ANXA10: variants seen among roughly 807,000 people sequenced by gnomAD.
The protein encoded by ANXA10 is annexin 14.
Under a neutral mutation model 53.5 loss-of-function variants are expected in ANXA10, and 49 were observed. The ratio of observed to expected loss-of-function variants is 0.92; its 90% CI spans 0.73 to 1.16. The LOEUF is 1.16. Ranked by LOEUF, ANXA10 falls within the 50% of genes most tolerant of loss-of-function variation. The pLI is 0.00. For missense variants in ANXA10, 393 were observed against 394.4 expected (o/e 1.00, Z 0.03); for synonymous variants, 131 against 128.9 (o/e 1.02, Z -0.11).
intron 3 of ANXA10, among the ~76,000 whole-genome samples, chr4:168,160,465 G>C (rs1229398177): frequency 6.6e-6 from 1 of 151,966 alleles, no homozygotes; most frequent in Non-Finnish European, 1.5e-5. Flanking sequence ...CTATCATTGG[G>C]CATTTAGGCT....
chr4:168,098,338 T>C (rs1730585120), intron 1 of ANXA10, among the ~76,000 whole-genome samples: 1 of 152,056 alleles, frequency 6.6e-6, no homozygotes, highest in South Asian at 2.1e-4. Flanking sequence ...ATTCCTGCAA[T>C]TAGGTGGAGA....
intron 6 of ANXA10, among the ~76,000 whole-genome samples, chr4:168,168,783 A>T (rs1731927862): frequency 6.6e-6 from 1 of 152,244 alleles, no homozygotes; most frequent in African/African-American, 2.4e-5. Context: ...CAAATGGGTA[A>T]CAGAAGATGG....
In ANXA10 at chr4:168,164,224, C is replaced by T. The variant is rs1731834670; in HGVS notation, c.336C>T (p.Leu112=). The T allele has an allele frequency of 1.2e-6, 2 of 1,612,796 alleles. No homozygotes were observed. The highest frequency in any genetic ancestry group is 1.7e-6 in the Non-Finnish European group (2 of 1,179,028). Residue 112 remains leucine (L), a synonymous_variant, in exon 5 of 12, where the codon CTC becomes CTT. Coordinates refer to ENST00000359299, the MANE Select transcript of ANXA10 (RefSeq NM_007193.5). ...MKGVGTDENC[L]IEILASRTNG... ...GAGTAGGCACTGATGAGAATTGCCT[C>T]ATTGAAATACTAGCTTCAAGAACAA...
intron 11 of ANXA10, among the ~76,000 whole-genome samples, chr4:168,185,561 C>A (rs964518513): frequency 3.3e-5 from 5 of 152,160 alleles, no homozygotes; most frequent in African/African-American, 1.2e-4. Flanking sequence ...TACTTTTAAA[C>A]TTCATGCATT....
In ANXA10 at chr4:168,127,440, A is replaced by T. The variant is rs920141406; in HGVS notation, c.19-644A>T. Among the ~76,000 whole-genome samples the T allele has an allele frequency of 5.3e-5, 8 of 152,154 alleles. 1 individual carries two copies. Among genetic ancestry groups the T allele is most frequent in the Admixed American group, 3.9e-4 (6 of 15,258 alleles). ...ATGATTTTAGGGTCCCTTATACAGA[A>T]AAAAGCTGTAGTAGCAGGTACCATT... is the stretch of plus-strand genomic sequence containing the variant. On this transcript the variant is annotated intron_variant, in intron 1 of 11. Coordinates refer to ENST00000359299, the MANE Select transcript of ANXA10 (RefSeq NM_007193.5).
At chr4:168,184,445 G>T in intron 10 of ANXA10, 114 bp from the exon 11 acceptor site, 2 of 1,278,664 alleles carry the variant, frequency 1.6e-6, no homozygotes, top group Non-Finnish European at 1.1e-6. Flanking sequence ...TGCCAGTGTT[G>T]GAAGAACTCA....
At chr4:168,143,165 CGACCATCAGTAAGGTCTTCTT>C (rs1731352648) in intron 3 of ANXA10, among the ~76,000 whole-genome samples, 1 of 152,202 alleles carries the variant, frequency 6.6e-6, no homozygotes, top group South Asian at 2.1e-4. Flanking sequence ...TTAATTTCTC[CGACCATCAGTAAGGTCTTCTT>C]GACATCTACC....
chr4:168,113,630 C>T (rs1730845843), intron 1 of ANXA10, among the ~76,000 whole-genome samples: 1 of 152,238 alleles, frequency 6.6e-6, no homozygotes, highest in African/African-American at 2.4e-5. Context: ...GTCATGGCCT[C>T]ATCACCTCCC....
In ANXA10 at chr4:168,165,118, A is replaced by G. The variant is rs1383019797; in HGVS notation, c.401-129A>G. 8 of 454,808 alleles carry G rather than the reference A, an allele frequency of 1.8e-5. No homozygotes were observed. In the East Asian group the frequency reaches 2.8e-4, roughly 16 times the overall value. The allele number at this position is 454,808 out of a possible 1,614,324, so 28.2% of individuals were successfully genotyped here. ...TTTGGCAGACGGTTTATTGACAAAG[A>G]AATGTCAACAGGTGGACTACATTTC... is the stretch of plus-strand genomic sequence containing the variant. On this transcript the variant is annotated intron_variant, in intron 5 of 11. Coordinates refer to ENST00000359299, the MANE Select transcript of ANXA10 (RefSeq NM_007193.5).
intron 10 of ANXA10, among the ~76,000 whole-genome samples, chr4:168,183,427 C>T (rs1046020070): frequency 3.8e-4 from 58 of 152,156 alleles, no homozygotes; most frequent in African/African-American, 1.4e-3. Context: ...TCAATTGTTT[C>T]CTTCTCAAAG....
At chr4:168,175,247 T>C (rs993809430) in intron 6 of ANXA10, among the ~76,000 whole-genome samples, 10 of 152,164 alleles carry the variant, frequency 6.6e-5, no homozygotes, top group Admixed American at 2.6e-4. Flanking sequence ...TACTGATCGA[T>C]TCAATAAGAT....
intron 7 of ANXA10, 40 bp downstream of exon 7, chr4:168,177,833 G>T (rs10024092): frequency 0.075 from 120,451 of 1,613,802 alleles, 7,982 homozygotes; most frequent in African/African-American, 0.32. Flanking sequence ...CAAAGAACCT[G>T]GGTTAAAATG....
chr4:168,184,018 G>A lies in ANXA10; in HGVS notation c.784-541G>A, dbSNP rs76065170. Among the ~76,000 whole-genome samples the A allele has an allele frequency of 6.5e-3, 995 of 152,076 alleles. 8 individuals are homozygous for A. Among genetic ancestry groups the A allele is most frequent in the African/African-American group, 0.023 (942 of 41,510 alleles). ...ATTTTTCTGCATTTGAATTTAAACC[G>A]GCAAATATTTGAATCACCTAGAATT... On this transcript the variant is annotated intron_variant, in intron 10 of 11. Coordinates refer to ENST00000359299, the MANE Select transcript of ANXA10 (RefSeq NM_007193.5).
At chr4:168,103,942 A>G (rs1730680422) in intron 1 of ANXA10, among the ~76,000 whole-genome samples, 1 of 152,000 alleles carries the variant, frequency 6.6e-6, no homozygotes, top group Non-Finnish European at 1.5e-5. Flanking sequence ...ATGGAAAATA[A>G]CATTCTTGCT....
chr4:168,144,348 A>G (rs2149472957), intron 3 of ANXA10, among the ~76,000 whole-genome samples: 1 of 152,182 alleles, frequency 6.6e-6, no homozygotes, highest in African/African-American at 2.4e-5. Context: ...AACCACGCCC[A>G]GCTAATTTTT....
intron 1 of ANXA10, among the ~76,000 whole-genome samples, chr4:168,115,218 G>A (rs1007985160): frequency 2.0e-5 from 3 of 151,946 alleles, no homozygotes; most frequent in Non-Finnish European, 2.9e-5. Flanking sequence ...TCTATCACTG[G>A]TGGGCATTTA....
chr4:168,175,607 A>G (rs1157479839), intron 6 of ANXA10, among the ~76,000 whole-genome samples: 1 of 152,222 alleles, frequency 6.6e-6, no homozygotes, highest in African/African-American at 2.4e-5. Flanking sequence ...TTTGAAGATA[A>G]CACCCATAGT....
chr4:168,135,946 A>G (rs988406463), intron 2 of ANXA10, among the ~76,000 whole-genome samples: 3 of 152,200 alleles, frequency 2.0e-5, no homozygotes, highest in Non-Finnish European at 4.4e-5. Flanking sequence ...CTGTACAGGA[A>G]GCATGGCTGG....
At chr4:168,180,774 A>C (rs1254731275) in intron 9 of ANXA10, among the ~76,000 whole-genome samples, 1 of 152,210 alleles carries the variant, frequency 6.6e-6, no homozygotes, top group African/African-American at 2.4e-5. Flanking sequence ...CTCATACATT[A>C]CCTATTCATG....
Sources: gnomAD v4.1 joint callset for allele counts (sites outside exome capture counted in the v4.1 genomes callset) on GRCh38, gnomAD v4.1.1 for gene constraint, MANE v1.5 for transcripts, NCBI Gene and HGNC (gene_info 2026-07-23, HGNC 2026-07-21) for gene names.